ERG: variants seen among roughly 807,000 people sequenced by gnomAD.
ERG encodes ETS transcription factor ERG.
In ERG, 9 loss-of-function variants were observed where a neutral mutation model predicts 55.3. The observed-to-expected ratio is 0.16, with a 90% CI of 0.10 to 0.28. The LOEUF is 0.28. Ranked by LOEUF, ERG falls within the 10% of genes least tolerant of loss-of-function variation. The probability of loss-of-function intolerance (pLI) is 1.00; values close to 1 mark genes in which losing one functional copy is unlikely to be tolerated. For missense variants in ERG, 434 were observed against 631.6 expected, an observed-to-expected ratio of 0.69 and a Z score of 3.35; for synonymous variants, 223 against 237.3, an observed-to-expected ratio of 0.94 and a Z score of 0.55.
At position 38,517,300 on chromosome 21, in the gene ERG, G is replaced by A. The variant is rs149241098; in HGVS notation, c.-41+58362C>T. ...AACTTTTACAAAGTGGGCAAAGAAC[G>A]TCAATAGACATTTCTCAAAAGAAGA... On this transcript the variant is annotated intron_variant, in intron 2 of 8. Coordinates refer to the ERG transcript ENST00000398897. Among the ~76,000 whole-genome samples the A allele has an allele frequency of 3.5e-3, 535 of 151,740 alleles. 3 individuals carry two copies. The highest frequency in any genetic ancestry group is 0.012 in the African/African-American group (509 of 41,408).
At chr21:38,557,575 G>A (rs2059865867) in intron 2 of ERG, among the ~76,000 whole-genome samples, 1 of 152,090 alleles carries the variant, frequency 6.6e-6, no homozygotes, top group African/African-American at 2.4e-5. Flanking sequence ...ACTAATATAT[G>A]TGTATGTTTT....
intron 2 of ERG, among the ~76,000 whole-genome samples, chr21:38,539,431 AT>A (rs2059735322): frequency 6.6e-6 from 1 of 152,208 alleles, no homozygotes; most frequent in Non-Finnish European, 1.5e-5. Flanking sequence ...ATCCTGGGAG[AT>A]TGTATTAAAA....
chr21:38,442,607 G>A (rs1360318068), intron 2 of ERG, among the ~76,000 whole-genome samples: 8 of 152,108 alleles, frequency 5.3e-5, no homozygotes, highest in Non-Finnish European at 1.2e-4. Flanking sequence ...CTTTCTTATA[G>A]ACTGTAGCCC....
intron 2 of ERG, among the ~76,000 whole-genome samples, chr21:38,531,067 C>T (rs2059669026): frequency 6.6e-6 from 1 of 152,106 alleles, no homozygotes; most frequent in Admixed American, 6.6e-5. Flanking sequence ...GCAGGGAGAG[C>T]AGGCTTCAGG....
At chr21:38,631,890 T>C (rs1379722939) in intron 1 of ERG, among the ~76,000 whole-genome samples, 1 of 151,946 alleles carries the variant, frequency 6.6e-6, no homozygotes. Flanking sequence ...GTGCTTGACT[T>C]TGGAAACCCA....
intron 3 of ERG, among the ~76,000 whole-genome samples, chr21:38,414,599 T>C (rs1989200009): frequency 6.6e-6 from 1 of 152,194 alleles, no homozygotes; most frequent in African/African-American, 2.4e-5. Context: ...GTAGGAATTA[T>C]TATCATCCAT....
chr21:38,553,198 G>T (rs573985042), intron 2 of ERG, among the ~76,000 whole-genome samples: 4 of 151,990 alleles, frequency 2.6e-5, no homozygotes, highest in Non-Finnish European at 5.9e-5. Context: ...ATGACACAAA[G>T]AAATGGAAAA....
chr21:38,423,609 T>C (rs992186902), intron 2 of ERG, 48 bp from the exon 3 acceptor site: 6 of 1,557,114 alleles, frequency 3.9e-6, no homozygotes, highest in Non-Finnish European at 5.3e-6. Flanking sequence ...TCAAAGAGCA[T>C]GTCTCCATCG....
At chr21:38,409,440 G>A (rs566855576) in intron 3 of ERG, among the ~76,000 whole-genome samples, 2 of 141,050 alleles carry the variant, frequency 1.4e-5, no homozygotes, top group African/African-American at 5.3e-5. Context: ...CCGAGATTGC[G>A]CCATTGCACT....
At chr21:38,531,450 G>T (rs1013632063) in intron 2 of ERG, among the ~76,000 whole-genome samples, 1 of 152,018 alleles carries the variant, frequency 6.6e-6, no homozygotes, top group African/African-American at 2.4e-5. Context: ...TTTGAAGAAG[G>T]GTCTGTGTAA....
chr21:38,653,773 A>T (rs1299749789), intron 1 of ERG, among the ~76,000 whole-genome samples: 5 of 152,184 alleles, frequency 3.3e-5, no homozygotes, highest in Non-Finnish European at 1.5e-5. Flanking sequence ...TCCCTGTATG[A>T]CTTATGCTCC....
rs369365038 is a variant in ERG at position 38,418,270 on chromosome 21, A to AGTGGGT, written c.388+5139_388+5140insACCCAC. On this transcript the variant is annotated intron_variant, in intron 3 of 9. Coordinates refer to ENST00000288319, the MANE Select transcript of ERG (RefSeq NM_182918.4). ...CACACCCAGGTTTGGAACATTTGGA[A>AGTGGGT]GTGTGTGTGTGTGTGTGTGTGTGTG... Among the ~76,000 whole-genome samples the AGTGGGT allele has an allele frequency of 1.4e-3, 180 of 130,436 alleles. 1 individual carries two copies. Among genetic ancestry groups the AGTGGGT allele is most frequent in the Middle Eastern group, 4.0e-3 (1 of 248 alleles). 85.6% of individuals were successfully genotyped at this position (130,436 alleles called of 152,430 possible).
intron 1 of ERG, among the ~76,000 whole-genome samples, chr21:38,486,164 A>C (rs1026504384): frequency 4.0e-5 from 6 of 151,460 alleles, no homozygotes; most frequent in African/African-American, 1.5e-4. Context: ...CCATCTCCTG[A>C]CCTCGTGATC....
chr21:38,375,276 C>A (rs1480807295), downstream of ERG, among the ~76,000 whole-genome samples: 1 of 152,184 alleles, frequency 6.6e-6, no homozygotes, highest in African/African-American at 2.4e-5. Context: ...TGAGAAAGAC[C>A]TGACTTAAAA....
intron 4 of ERG, among the ~76,000 whole-genome samples, chr21:38,402,982 C>T (rs1162807657): frequency 6.6e-6 from 1 of 152,196 alleles, no homozygotes; most frequent in African/African-American, 2.4e-5. Context: ...ATGCAGCAAA[C>T]ATTCTGGATT....
intron 9 of ERG, among the ~76,000 whole-genome samples, chr21:38,386,252 AG>A (rs1172948704): frequency 1.3e-5 from 2 of 152,238 alleles, no homozygotes; most frequent in African/African-American, 4.8e-5. Flanking sequence ...GAGAATTTCA[AG>A]GGAGGGTCTA....
intron 2 of ERG, among the ~76,000 whole-genome samples, chr21:38,552,677 A>G (rs979373998): frequency 6.6e-6 from 1 of 151,226 alleles, no homozygotes; most frequent in African/African-American, 2.4e-5. Flanking sequence ...TTGAAAGAAC[A>G]TACCTCAAAA....
At chr21:38,416,989 G>A (rs1035390227) in intron 3 of ERG, among the ~76,000 whole-genome samples, 2 of 152,196 alleles carry the variant, frequency 1.3e-5, no homozygotes, top group African/African-American at 4.8e-5. Context: ...TCCTGTCATA[G>A]CAATCTCCAT....
intron 3 of ERG, among the ~76,000 whole-genome samples, chr21:38,420,389 C>G (rs1011714200): frequency 6.6e-6 from 1 of 152,110 alleles, no homozygotes; most frequent in East Asian, 1.9e-4. Context: ...TCACAACTTG[C>G]AAAATCAGCC....
Sources: gnomAD v4.1 joint callset for allele counts (sites outside exome capture counted in the v4.1 genomes callset) on GRCh38, gnomAD v4.1.1 for gene constraint, MANE v1.5 for transcripts, NCBI Gene and HGNC (gene_info 2026-07-23, HGNC 2026-07-21) for gene names.